LRBA: variants seen among roughly 807,000 people sequenced by gnomAD.
LRBA encodes the protein lipopolysaccharide-responsive and beige-like anchor protein.
LRBA carries 176 observed loss-of-function variants against 330.0 expected under a neutral mutation model. The observed-to-expected ratio is 0.53, with a 90% CI of 0.47 to 0.60. The LOEUF is 0.60. LRBA is among the 20% of genes least tolerant of loss of function. LRBA has a pLI of 0.00. For missense variants in LRBA, 3,259 were observed against 3,444.8 expected, an observed-to-expected ratio of 0.95 and a Z score of 1.35; for synonymous variants, 1,230 against 1,193.0, an observed-to-expected ratio of 1.03 and a Z score of -0.64.
Position 150,470,476 on chromosome 4 carries a change from T to C in LRBA, c.6667+1148A>G, listed in dbSNP as rs561380444. Among the ~76,000 whole-genome samples the C allele has an allele frequency of 5.3e-5, 8 of 152,274 alleles. No individual in the cohort carries two copies. The South Asian group carries it at 1.5e-3, about 28-fold the overall frequency. ...CTTTCTGTATTATCTTCCTTGCTGA[T>C]CTCACATCTCTTGGTGATTTCCTCT... On this transcript the variant is annotated intron_variant, in intron 43 of 56. Transcript: ENST00000651943.
At position 150,852,855 on chromosome 4, in the gene LRBA, G is replaced by A. The variant is rs1750773786; in HGVS notation, c.2855C>T (p.Ser952Leu). Residue 952 changes from serine to leucine, a missense_variant, in exon 23 of 57, where the codon TCA becomes TTA. Physicochemically the swap from Ser to Leu is moderately radical, Grantham distance 145 (BLOSUM62 -2). Transcript: ENST00000651943. ...KVDEEIGLCS[S>L]TSVQAASGIR... ...GCCAGAGGCTGCTTGAACTGAAGTT[G>A]AAGAACACAGCCCTATTTCTTCATC... 1 of 1,613,412 alleles carries A rather than the reference G, an allele frequency of 6.2e-7. No homozygotes were observed. The highest frequency in any genetic ancestry group is 8.5e-7 in the Non-Finnish European group (1 of 1,179,494).
chr4:150,805,164 C>T (rs760562467), intron 33 of LRBA, among the ~76,000 whole-genome samples: 7 of 134,396 alleles, frequency 5.2e-5, no homozygotes, highest in Admixed American at 8.6e-5. Flanking sequence ...ATGCTCCATG[C>T]GCAAAAAGAA....
At chr4:150,571,449 C>T (rs919377731) in intron 40 of LRBA, among the ~76,000 whole-genome samples, 4 of 151,910 alleles carry the variant, frequency 2.6e-5, no homozygotes, top group Non-Finnish European at 4.4e-5. Flanking sequence ...AATAAAACTT[C>T]CCTAAATATT....
At position 150,905,977 on chromosome 4, in the gene LRBA, T is replaced by C. The variant is rs763592299; in HGVS notation, c.1616A>G (p.His539Arg). 17 of 1,612,920 alleles carry C rather than the reference T, an allele frequency of 1.1e-5. No individual in the cohort carries two copies. The highest frequency in any genetic ancestry group is 1.4e-5 in the Non-Finnish European group (17 of 1,179,338). The change falls in exon 13 of 57, where the codon CAT becomes CGT. Residue 539 changes from histidine (H) to arginine (R), a missense_variant. Coordinates refer to ENST00000651943, the MANE Select transcript of LRBA (RefSeq NM_001364905.1). Reference protein sequence around the residue: ...GYSLEKSSKSHVSRAVLELCL... With the variant: ...GYSLEKSSKSRVSRAVLELCL... ...AAGTTCAAGTACTGCTCTGCTAACA[T>C]GAGATTTGGAAGACTGCAAAAAAAG... is the stretch of plus-strand genomic sequence containing the variant.
chr4:150,666,907 T>C (rs995187717), intron 37 of LRBA, among the ~76,000 whole-genome samples: 1 of 152,176 alleles, frequency 6.6e-6, no homozygotes, highest in South Asian at 2.1e-4. Context: ...CTATTTCACA[T>C]TTGATATTAA....
chr4:150,743,630 G>C (rs1732307857), intron 35 of LRBA, among the ~76,000 whole-genome samples: 1 of 152,156 alleles, frequency 6.6e-6, no homozygotes, highest in South Asian at 2.1e-4. Flanking sequence ...TTCTATAAGA[G>C]CACAACTAGG....
intron 34 of LRBA, among the ~76,000 whole-genome samples, chr4:150,778,766 T>C (rs1737764430): frequency 6.6e-6 from 1 of 152,190 alleles, no homozygotes; most frequent in Non-Finnish European, 1.5e-5. Flanking sequence ...GTCCTATTAG[T>C]ACACGGTCAG....
intron 42 of LRBA, among the ~76,000 whole-genome samples, chr4:150,483,013 T>A (rs1288502791): frequency 6.6e-6 from 1 of 152,130 alleles, no homozygotes; most frequent in Non-Finnish European, 1.5e-5. Flanking sequence ...AAATGTTTTT[T>A]ATTTTAATGA....
At chr4:150,941,935 G>A (rs958534415) in intron 2 of LRBA, among the ~76,000 whole-genome samples, 10 of 152,004 alleles carry the variant, frequency 6.6e-5, no homozygotes, top group Admixed American at 6.6e-4. Context: ...CTAAATCTCT[G>A]TAGGTAAAGA....
At chr4:150,685,412 ATATATATATTTTTTTTT>A (rs1322095738) in intron 36 of LRBA, among the ~76,000 whole-genome samples, 1 of 18,684 alleles carries the variant, frequency 5.4e-5, no homozygotes, top group Non-Finnish European at 1.0e-4. Flanking sequence ...ATATATATAT[ATATATATATTTTTTTTT>A]TTTTTTTTTT....
chr4:150,303,022 C>T (rs1729874327), intron 52 of LRBA, among the ~76,000 whole-genome samples: 1 of 152,112 alleles, frequency 6.6e-6, no homozygotes, highest in South Asian at 2.1e-4. Context: ...AAAACTATTT[C>T]AACAAATAAT....
chr4:150,717,945 A>G (rs1728453359), intron 36 of LRBA, among the ~76,000 whole-genome samples: 1 of 152,100 alleles, frequency 6.6e-6, no homozygotes, highest in Admixed American at 6.6e-5. Context: ...ATCAGTACAT[A>G]TGTTTTACAG....
At chr4:150,372,366 T>C (rs2151866823) in intron 47 of LRBA, among the ~76,000 whole-genome samples, 1 of 152,094 alleles carries the variant, frequency 6.6e-6, no homozygotes, top group East Asian at 1.9e-4. Context: ...TCCCAGCAAT[T>C]TGAGAGGCTG....
At chr4:150,396,828 T>C (rs564686138) in intron 47 of LRBA, among the ~76,000 whole-genome samples, 11 of 152,314 alleles carry the variant, frequency 7.2e-5, no homozygotes, top group African/African-American at 1.7e-4. Flanking sequence ...GGCTGTGGCA[T>C]AGGTTTCTTT....
chr4:150,949,012 T>C (rs1055552491), intron 2 of LRBA, among the ~76,000 whole-genome samples: 3 of 151,708 alleles, frequency 2.0e-5, no homozygotes, highest in African/African-American at 7.3e-5. Flanking sequence ...ACAGCCACTA[T>C]GAAAAAGTTT....
chr4:150,470,076 G>A (rs1040124090), intron 43 of LRBA, among the ~76,000 whole-genome samples: 26 of 152,260 alleles, frequency 1.7e-4, no homozygotes, highest in African/African-American at 6.0e-4. Flanking sequence ...CCAGCTACTT[G>A]GGAGGCTGAG....
chr4:150,760,406 A>T (rs1440883881), intron 35 of LRBA, among the ~76,000 whole-genome samples: 1 of 152,070 alleles, frequency 6.6e-6, no homozygotes, highest in Non-Finnish European at 1.5e-5. Context: ...CATTTCAATC[A>T]GGTCTTCCCT....
chr4:150,736,138 C>A (rs1008450534), intron 35 of LRBA, among the ~76,000 whole-genome samples: 3 of 152,142 alleles, frequency 2.0e-5, no homozygotes, highest in Non-Finnish European at 4.4e-5. Context: ...AAAATAAAAA[C>A]CCAGCCTTGA....
chr4:150,756,708 G>T (rs1734362542), intron 35 of LRBA, among the ~76,000 whole-genome samples: 1 of 152,112 alleles, frequency 6.6e-6, no homozygotes, highest in African/African-American at 2.4e-5. Flanking sequence ...TCTAAATTTA[G>T]TATAACACTG....
Sources: gnomAD v4.1 joint callset for allele counts (sites outside exome capture counted in the v4.1 genomes callset) on GRCh38, gnomAD v4.1.1 for gene constraint, MANE v1.5 for transcripts, NCBI Gene and HGNC (gene_info 2026-07-23, HGNC 2026-07-21) for gene names.